The following INSL6 variants were observed in gnomAD, a reference collection of about 807,000 sequenced individuals.
The protein encoded by INSL6 is insulin like 6.
Under a neutral mutation model 9.4 loss-of-function variants are expected in INSL6, and 16 were observed. The observed-to-expected ratio is 1.70, with a 90% CI of 1.15 to 2.59. The LOEUF (loss-of-function observed/expected upper bound fraction) is 2.59. Among genes scored for constraint, INSL6 ranks in the 30% most tolerant of loss-of-function variants. The pLI is 0.00. For missense variants in INSL6, 391 were observed against 257.3 expected (o/e 1.52, Z -3.56); for synonymous variants, 154 against 96.9 (o/e 1.59, Z -3.46).
intron 1 of INSL6, among the ~76,000 whole-genome samples, chr9:5,167,877 C>T (rs1372147961): frequency 6.6e-6 from 1 of 152,158 alleles, no homozygotes; most frequent in Non-Finnish European, 1.5e-5. Context: ...GAGCAGCCTG[C>T]CATCTTTGCT....
chr9:5,020,711 A>C, the INSL6 span, among the ~76,000 whole-genome samples: 20 of 152,298 alleles, frequency 1.3e-4, no homozygotes, highest in African/African-American at 4.6e-4. Flanking sequence ...CTCAGGGCAC[A>C]TACCAATATA....
chr9:5,013,551 A>T, the INSL6 span, among the ~76,000 whole-genome samples: 1 of 152,194 alleles, frequency 6.6e-6, no homozygotes, highest in South Asian at 2.1e-4. Context: ...AATCCAGCCA[A>T]ACTTGTCTCT....
chr9:5,051,603 C>T, the INSL6 span, among the ~76,000 whole-genome samples: 4 of 152,076 alleles, frequency 2.6e-5, no homozygotes, highest in African/African-American at 9.7e-5. Context: ...TTGAACTTGA[C>T]AATCATGGCT....
intron 2 of INSL6, among the ~76,000 whole-genome samples, chr9:5,153,361 G>C (rs1211051491): frequency 1.3e-5 from 2 of 152,170 alleles, no homozygotes; most frequent in Non-Finnish European, 2.9e-5. Flanking sequence ...GCACGGAGGA[G>C]CATCCGCCAT....
At chr9:5,110,969 T>C in the INSL6 span, 2 of 610,510 alleles carry the variant, frequency 3.3e-6, no homozygotes, top group South Asian at 1.5e-5. Context: ...CTCAGTAACC[T>C]GGACTTCAGC....
chr9:5,072,644 A>G, the INSL6 span: 1 of 1,561,428 alleles, frequency 6.4e-7, no homozygotes, highest in Non-Finnish European at 8.7e-7. Flanking sequence ...TGTTCTTTAT[A>G]TTGTTCATGT....
the INSL6 span, among the ~76,000 whole-genome samples, chr9:5,020,227 G>A: frequency 6.6e-6 from 1 of 152,190 alleles, no homozygotes; most frequent in East Asian, 1.9e-4. Context: ...AAGTGTGAGT[G>A]GGAACCAGCT....
At chr9:5,036,270 A>C in the INSL6 span, among the ~76,000 whole-genome samples, 2 of 152,240 alleles carry the variant, frequency 1.3e-5, no homozygotes, top group Non-Finnish European at 2.9e-5. Flanking sequence ...ATGGGTAGGA[A>C]GAATCAATAT....
At chr9:5,062,500 T>TAAAAAAAAA in the INSL6 span, among the ~76,000 whole-genome samples, 26 of 58,244 alleles carry the variant, frequency 4.5e-4, 6 homozygotes, top group African/African-American at 2.5e-3. Flanking sequence ...CTTCCATTTG[T>TAAAAAAAAA]AAAAAAAAAA....
chr9:5,165,462 T>C (rs1405333503), intron 1 of INSL6, among the ~76,000 whole-genome samples: 2 of 152,214 alleles, frequency 1.3e-5, no homozygotes, highest in Non-Finnish European at 2.9e-5. Context: ...TTTTTGATTA[T>C]CACCATGGAT....
the INSL6 span, chr9:5,110,952 C>G: frequency 3.4e-6 from 2 of 593,834 alleles, 1 homozygote; most frequent in East Asian, 8.2e-5. Context: ...TGGACACGGA[C>G]AAGGAGCTCA....
chr9:5,165,880 C>CAG, intron 1 of INSL6, among the ~76,000 whole-genome samples: 1 of 152,340 alleles, frequency 6.6e-6, no homozygotes, highest in South Asian at 2.1e-4. Flanking sequence ...ATAGTCTCTA[C>CAG]TGTAGAGCCA....
At chr9:5,130,150 A>G (rs530548879) in intron 3 of INSL6, among the ~76,000 whole-genome samples, 40 of 152,162 alleles carry the variant, frequency 2.6e-4, no homozygotes, top group Non-Finnish European at 5.0e-4. Context: ...CAAATTGCTT[A>G]ACATTTTATT....
chr9:5,041,217 TGG>T, the INSL6 span: 1 of 1,467,634 alleles, frequency 6.8e-7, no homozygotes, highest in Non-Finnish European at 9.4e-7. Flanking sequence ...AACTTCCTGG[TGG>T]GGCGCCCGGG....
chr9:5,058,163 A>C, the INSL6 span, among the ~76,000 whole-genome samples: 1 of 152,194 alleles, frequency 6.6e-6, no homozygotes, highest in East Asian at 1.9e-4. Context: ...GTGTACAAAT[A>C]TCTCTTGAAA....
the INSL6 span, among the ~76,000 whole-genome samples, chr9:5,064,089 G>A: frequency 1.3e-5 from 2 of 152,236 alleles, no homozygotes; most frequent in African/African-American, 2.4e-5. Flanking sequence ...CCAGGAGGCA[G>A]AAGTTGCAGT....
the INSL6 span, chr9:5,041,638 A>C: frequency 2.0e-6 from 1 of 502,436 alleles, no homozygotes; most frequent in Non-Finnish European, 4.0e-6. Context: ...GACTTTGAGA[A>C]GCTCGACTAC....
At chr9:5,073,382 C>A in the INSL6 span, among the ~76,000 whole-genome samples, 1 of 152,206 alleles carries the variant, frequency 6.6e-6, no homozygotes, top group African/African-American at 2.4e-5. Flanking sequence ...TCTCTGACAT[C>A]TACCTCTAGT....
rs34567633 is a variant in INSL6, at chr9:5,164,103, C to A, written c.452G>T (p.Arg151Leu). The A allele has an allele frequency of 3.7e-6, 6 of 1,612,434 alleles. No individual in the cohort carries two copies. In the Admixed American group the frequency reaches 6.7e-5, roughly 18 times the overall value. Residue 151 changes from arginine to leucine, a missense_variant, in exon 2 of 2, where the codon CGT (arginine) becomes CTT (leucine). Coordinates refer to ENST00000381641, the MANE Select transcript of INSL6 (RefSeq NM_007179.3). The part of the protein sequence containing the change: ...IHENAKFQKK[R>L]RNKIKTLSNL... ...GCTTAAGGTTTTAATTTTGTTTCTA[C>A]GTTTCTTCTGAAATTTTGCATTCTC...
Sources: allele counts gnomAD v4.1 joint callset (sites outside exome capture counted in the v4.1 genomes callset), GRCh38; gene constraint gnomAD v4.1.1; transcripts MANE v1.5; gene names NCBI Gene and HGNC (gene_info 2026-07-23, HGNC 2026-07-21).